LRP6: variants seen among roughly 807,000 people sequenced by gnomAD.
The protein encoded by LRP6 is low-density lipoprotein receptor-related protein 6.
LRP6 carries 43 observed loss-of-function variants against 184.1 expected under a neutral mutation model. The observed-to-expected ratio is 0.23, with a 90% CI of 0.18 to 0.30. The LOEUF (loss-of-function observed/expected upper bound fraction) is 0.30. LRP6 is among the 10% of genes least tolerant of loss of function. The pLI is 1.00. For synonymous variants in LRP6, 719 were observed against 684.9 expected, an observed-to-expected ratio of 1.05 and a Z score of -0.78; for missense variants, 1,571 against 2,005.3, an observed-to-expected ratio of 0.78 and a Z score of 4.14.
chr12:12,252,203 C>T (rs1209773344), intron 1 of LRP6, among the ~76,000 whole-genome samples: 8 of 151,496 alleles, frequency 5.3e-5, no homozygotes, highest in Middle Eastern at 6.3e-3. Context: ...TTTTTTTTTC[C>T]GGTCACTTTT....
chr12:12,215,925 T>C (rs1591955434), intron 2 of LRP6, among the ~76,000 whole-genome samples: 2 of 151,914 alleles, frequency 1.3e-5, no homozygotes, highest in South Asian at 4.2e-4. Context: ...AGCAGGAGAA[T>C]CACTTGAACC....
At chr12:12,182,762 C>T (rs1271380945) in intron 5 of LRP6, among the ~76,000 whole-genome samples, 1 of 152,178 alleles carries the variant, frequency 6.6e-6, no homozygotes, top group Non-Finnish European at 1.5e-5. Flanking sequence ...CGGCTAACAA[C>T]CAAAAGGAGC....
intron 7 of LRP6, among the ~76,000 whole-genome samples, chr12:12,171,438 C>T (rs1426897120): frequency 2.6e-5 from 4 of 152,020 alleles, no homozygotes; most frequent in African/African-American, 7.2e-5. Flanking sequence ...AGGAGGATGG[C>T]GTGAACCCGG....
At chr12:12,192,593 G>A (rs187529781) in intron 3 of LRP6, among the ~76,000 whole-genome samples, 1 of 151,994 alleles carries the variant, frequency 6.6e-6, no homozygotes, top group African/African-American at 2.4e-5. Context: ...AACCATAAGA[G>A]AGCTGGAGCA....
intron 3 of LRP6, among the ~76,000 whole-genome samples, chr12:12,193,239 T>C (rs1863662945): frequency 6.6e-6 from 1 of 151,854 alleles, no homozygotes; most frequent in Admixed American, 6.6e-5. Context: ...GAAACGTATA[T>C]AGAATACTAA....
Position 12,162,421 on chromosome 12 carries a change from T to C in LRP6, c.2053-2A>G. On this transcript the variant is annotated splice_acceptor_variant, in intron 9 of 22. Coordinates refer to ENST00000261349, the MANE Select transcript of LRP6 (RefSeq NM_002336.3). LOFTEE classifies it high-confidence loss of function. ...ATTCATAAAGGCTCTGCTGATGGTC[T>C]GCAAAAGAACATTAACAACTAAGTC... is the stretch of plus-strand genomic sequence containing the variant. The C allele has an allele frequency of 6.2e-7, 1 of 1,610,706 alleles. No homozygotes were observed. The highest frequency in any genetic ancestry group is 8.5e-7 in the Non-Finnish European group (1 of 1,176,842).
At chr12:12,182,337 T>C (rs1863364574) in intron 5 of LRP6, among the ~76,000 whole-genome samples, 1 of 152,214 alleles carries the variant, frequency 6.6e-6, no homozygotes, top group Non-Finnish European at 1.5e-5. Context: ...CACTGAATTT[T>C]AAATTAGGTT....
At chr12:12,165,926 A>C (rs2136954030) in intron 7 of LRP6, among the ~76,000 whole-genome samples, 1 of 152,276 alleles carries the variant, frequency 6.6e-6, no homozygotes, top group Admixed American at 6.5e-5. Context: ...GTTTCAAGAA[A>C]CTAGGATGTA....
chr12:12,248,029 G>T (rs1284804419), intron 1 of LRP6, among the ~76,000 whole-genome samples: 1 of 152,066 alleles, frequency 6.6e-6, no homozygotes, highest in East Asian at 1.9e-4. Context: ...AGTGAAGCAG[G>T]ATACAAGGTA....
chr12:12,204,083 G>C (rs1162835879), intron 2 of LRP6, among the ~76,000 whole-genome samples: 1 of 151,998 alleles, frequency 6.6e-6, no homozygotes, highest in Non-Finnish European at 1.5e-5. Context: ...ACCAATAAGG[G>C]AACAAACTGG....
intron 2 of LRP6, among the ~76,000 whole-genome samples, chr12:12,235,676 G>A (rs1864913772): frequency 6.6e-6 from 1 of 151,826 alleles, no homozygotes; most frequent in Admixed American, 6.6e-5. Context: ...GTTGCAGTGA[G>A]CCGAGATCGC....
At chr12:12,253,519 C>T (rs1412867922) in intron 1 of LRP6, among the ~76,000 whole-genome samples, 1 of 151,850 alleles carries the variant, frequency 6.6e-6, no homozygotes, top group Non-Finnish European at 1.5e-5. Context: ...TGGTGTGCTG[C>T]ACCCATTAAC....
At chr12:12,176,425 T>C (rs1157603537) in intron 7 of LRP6, among the ~76,000 whole-genome samples, 1 of 152,156 alleles carries the variant, frequency 6.6e-6, no homozygotes, top group Non-Finnish European at 1.5e-5. Flanking sequence ...AGGAGCCAAA[T>C]ACCACAACCA....
At chr12:12,227,106 A>T (rs1385886712) in intron 2 of LRP6, among the ~76,000 whole-genome samples, 1 of 152,172 alleles carries the variant, frequency 6.6e-6, no homozygotes, top group Admixed American at 6.5e-5. Context: ...TAAACCATAC[A>T]AGCAAATAGA....
At chr12:12,125,264 A>G (rs767566811) in intron 21 of LRP6, 32 bp downstream of exon 21, 13 of 1,612,182 alleles carry the variant, frequency 8.1e-6, no homozygotes, top group Non-Finnish European at 1.1e-5. Flanking sequence ...GATCTTATGT[A>G]TGTCGCATTC....
intron 1 of LRP6, among the ~76,000 whole-genome samples, chr12:12,255,189 T>C (rs1385238753): frequency 6.6e-6 from 1 of 152,100 alleles, no homozygotes; most frequent in Non-Finnish European, 1.5e-5. Flanking sequence ...TTGGCTTGAA[T>C]AAACTTTAGT....
chr12:12,246,241 G>C (rs1460666499), intron 1 of LRP6, among the ~76,000 whole-genome samples: 1 of 151,590 alleles, frequency 6.6e-6, no homozygotes, highest in African/African-American at 2.4e-5. Context: ...CCTGGCCTCC[G>C]GTGATCCACC....
rs183339562 is a variant in LRP6, at chr12:12,193,122, G to C, written c.648-6003C>G. Among the ~76,000 whole-genome samples, 370 of 151,992 alleles carry C rather than the reference G, an allele frequency of 2.4e-3. 1 individual carries two copies. Among genetic ancestry groups the C allele is most frequent in the African/African-American group, 8.1e-3 (337 of 41,516 alleles). On this transcript the variant is annotated intron_variant, in intron 3 of 22. Coordinates refer to ENST00000261349, the MANE Select transcript of LRP6 (RefSeq NM_002336.3). ...AAATCAAATTATTTTCTAAATTTTT[G>C]AAATTTCTTTCTCAATTTCCTCTAA...
intron 7 of LRP6, among the ~76,000 whole-genome samples, chr12:12,174,656 G>T (rs143962894): frequency 3.9e-5 from 6 of 152,236 alleles, no homozygotes; most frequent in Non-Finnish European, 8.8e-5. Context: ...CTTTAAAAAA[G>T]AAGTTTGAAT....
Sources: gnomAD v4.1 joint callset for allele counts (sites outside exome capture counted in the v4.1 genomes callset) on GRCh38, gnomAD v4.1.1 for gene constraint, MANE v1.5 for transcripts, NCBI Gene and HGNC (gene_info 2026-07-23, HGNC 2026-07-21) for gene names.